The following SRRM4 variants were observed in gnomAD, a reference collection of about 807,000 sequenced individuals.
SRRM4 encodes serine/arginine repetitive matrix 4.
SRRM4 carries 33 observed loss-of-function variants against 68.9 expected under a neutral mutation model. That is an observed-to-expected ratio of 0.48 (90% CI 0.36 to 0.64). SRRM4 has a LOEUF of 0.64. Among genes scored for constraint, SRRM4 ranks in the 30% least tolerant of loss-of-function variants. The pLI, the probability that SRRM4 is intolerant of heterozygous loss-of-function variation, is 0.00. For synonymous variants in SRRM4, 318 were observed against 318.8 expected (o/e 1.00, Z 0.03); for missense variants, 817 against 827.1 (o/e 0.99, Z 0.15).
rs374414720 is a variant in SRRM4 at position 119,145,551 on chromosome 12, G to C, written c.942G>C (p.Gly314=). The C allele has an allele frequency of 7.3e-5, 117 of 1,606,536 alleles. No individual in the cohort carries two copies. In the African/African-American group the frequency reaches 1.2e-3, roughly 17 times the overall value. ...SRGQEKGSPS[G]GLSKSRELNS... Reference sequence around the variant, plus strand: ...GCCAGGAGAAGGGGAGCCCCAGTGGGGGCTTGAGCAAGAGCCGGGAGCTCA... The same window carrying C: ...GCCAGGAGAAGGGGAGCCCCAGTGGCGGCTTGAGCAAGAGCCGGGAGCTCA... Residue 314 remains glycine, a synonymous_variant, in exon 9 of 13, where the codon GGG becomes GGC. Transcript: ENST00000267260.
chr12:119,020,915 A>G (rs998099964), intron 1 of SRRM4, among the ~76,000 whole-genome samples: 2 of 152,150 alleles, frequency 1.3e-5, no homozygotes, highest in African/African-American at 2.4e-5. Context: ...TAGACAGGAA[A>G]AGGAGATGCC....
At chr12:119,007,957 T>C (rs1483635809) in intron 1 of SRRM4, among the ~76,000 whole-genome samples, 1 of 152,194 alleles carries the variant, frequency 6.6e-6, no homozygotes, top group African/African-American at 2.4e-5. Context: ...CCTCAATTTC[T>C]TCTTCCATAA....
chr12:118,982,843 G>T (rs1265395816), intron 1 of SRRM4, among the ~76,000 whole-genome samples: 2 of 151,942 alleles, frequency 1.3e-5, no homozygotes, highest in Non-Finnish European at 2.9e-5. Context: ...GAGGTTGGGG[G>T]AAAATGGAAG....
rs568620044 is a variant in SRRM4 at position 119,024,737 on chromosome 12, C to T, written c.131+42724C>T. ...GCTAGCCAGGCCTCTTAAGCTTGAT[C>T]TTAGTGCCTTAGGATCTTTTCCAAT... On this transcript the variant is annotated intron_variant, in intron 1 of 12. Coordinates refer to ENST00000267260, the MANE Select transcript of SRRM4 (RefSeq NM_194286.4). Among the ~76,000 whole-genome samples, 14 of 152,316 alleles carry T rather than the reference C, an allele frequency of 9.2e-5. No individual in the cohort carries two copies. In the South Asian group the frequency reaches 2.7e-3, roughly 29 times the overall value.
rs150009366 is a variant in SRRM4, at chr12:119,068,995, C to T, written c.132-33241C>T. Among the ~76,000 whole-genome samples the T allele has an allele frequency of 6.5e-3, 995 of 152,070 alleles. 12 individuals carry two copies. Among genetic ancestry groups the T allele is most frequent in the Non-Finnish European group, 8.4e-3 (573 of 67,996 alleles). ...TGTCCTTTTTCCTGCCTGTGTAGCT[C>T]CAGGGAACAGGGAATTTGGGATTCT... On this transcript the variant is annotated intron_variant, in intron 1 of 12. Coordinates refer to ENST00000267260, the MANE Select transcript of SRRM4 (RefSeq NM_194286.4).
In SRRM4 at chr12:119,159,149, C is replaced by T. The variant is rs956562059; in HGVS notation, c.*2351C>T. 3 of 152,110 alleles carry T rather than the reference C, an allele frequency of 2.0e-5. No individual in the cohort carries two copies. The highest frequency in any genetic ancestry group is 2.9e-5 in the Non-Finnish European group (2 of 68,080). 9.4% of individuals were successfully genotyped at this position (152,110 alleles called of 1,614,324 possible). On this transcript the variant is annotated 3_prime_UTR_variant, in exon 13 of 13. Coordinates refer to ENST00000267260, the MANE Select transcript of SRRM4 (RefSeq NM_194286.4). ...CTGAAGGCTCTAAGCCTGGAACACC[C>T]TGGGGTTGGCCCAGAAGGAGGCACA...
At chr12:119,026,457 G>T (rs1457175128) in intron 1 of SRRM4, among the ~76,000 whole-genome samples, 1 of 152,028 alleles carries the variant, frequency 6.6e-6, no homozygotes, top group East Asian at 1.9e-4. Context: ...AGTGTCACTT[G>T]TGTGCTAGAC....
chr12:118,994,102 C>T (rs1013434691), intron 1 of SRRM4: 5 of 152,116 alleles, frequency 3.3e-5, no homozygotes, highest in Admixed American at 1.3e-4. Flanking sequence ...GTAGTGGGAT[C>T]GCGCCTGTGA....
intron 1 of SRRM4, among the ~76,000 whole-genome samples, chr12:119,045,487 C>A (rs1463346440): frequency 6.9e-6 from 1 of 144,998 alleles, no homozygotes. Context: ...CTCCCCCGCT[C>A]CCCCCCGCCC....
At chr12:118,991,123 A>G (rs928874402) in intron 1 of SRRM4, among the ~76,000 whole-genome samples, 3 of 152,040 alleles carry the variant, frequency 2.0e-5, no homozygotes, top group African/African-American at 7.2e-5. Context: ...TTTTAAGTAT[A>G]CAGAGCCAGC....
At chr12:119,069,975 G>C (rs1449676465) in intron 1 of SRRM4, among the ~76,000 whole-genome samples, 1 of 152,164 alleles carries the variant, frequency 6.6e-6, no homozygotes, top group African/African-American at 2.4e-5. Context: ...AGACTAACGT[G>C]AGTTGTGAAT....
intron 1 of SRRM4, among the ~76,000 whole-genome samples, chr12:119,052,224 G>T (rs1953747490): frequency 6.6e-6 from 1 of 152,312 alleles, no homozygotes. Context: ...AACTGTGGCT[G>T]CTCTCGTGGA....
intron 9 of SRRM4, among the ~76,000 whole-genome samples, chr12:119,146,539 T>C (rs1387054950): frequency 6.6e-6 from 1 of 151,590 alleles, no homozygotes; most frequent in East Asian, 1.9e-4. Flanking sequence ...TGAGCTGAGA[T>C]TGTACCATTG....
rs1748058872 is a variant in SRRM4 at position 119,151,159 on chromosome 12, T to C, written c.1219T>C (p.Ser407Pro). The C allele has an allele frequency of 1.9e-6, 3 of 1,613,816 alleles. No homozygotes were observed. The African/African-American group carries it at 4.0e-5, about 22-fold the overall frequency. ...STRSSSHSSRSPNPRASPRYT... is the reference protein window; with the variant it reads ...STRSSSHSSRPPNPRASPRYT... ...CCGATCCTCCAGTCACTCGTCCCGA[T>C]CCCCAAATCCCAGGGCTTCCCCCAG... The change falls in exon 10 of 13, where the codon TCC (serine) becomes CCC (proline). Residue 407 changes from serine to proline, a missense_variant. Physicochemically the swap from Ser to Pro is moderately conservative, Grantham distance 74. Transcript: ENST00000267260.
chr12:119,160,211 A>C lies in SRRM4; in HGVS notation c.*3413A>C, dbSNP rs1290325388. ...TGCCCCTTTCCTGGGTGAAGTTTACAAGAAGGCTGCTTAAATGCCTGCTTC... is the reference window on the plus strand; with the variant it reads ...TGCCCCTTTCCTGGGTGAAGTTTACCAGAAGGCTGCTTAAATGCCTGCTTC... On this transcript the variant is annotated 3_prime_UTR_variant, in exon 13 of 13. Transcript: ENST00000267260. 6.6e-6 allele frequency: 1 copy of C among 152,056 alleles called. No homozygotes were observed. Among genetic ancestry groups the C allele is most frequent in the Non-Finnish European group, 1.5e-5 (1 of 68,038 alleles). 9.4% of individuals were successfully genotyped at this position (152,056 alleles called of 1,614,324 possible). A position where few individuals can be genotyped will look rare whatever the true frequency, so the allele number is the denominator to read the frequency against.
intron 1 of SRRM4, among the ~76,000 whole-genome samples, chr12:119,065,380 G>A (rs772703252): frequency 6.6e-6 from 1 of 152,170 alleles, no homozygotes; most frequent in African/African-American, 2.4e-5. Context: ...CTTGACTAAA[G>A]GTTGTTTCCA....
chr12:119,146,522 G>A (rs897552374), intron 9 of SRRM4, among the ~76,000 whole-genome samples: 2 of 151,926 alleles, frequency 1.3e-5, no homozygotes, highest in African/African-American at 4.8e-5. Flanking sequence ...GGAGGCGGAG[G>A]TGGCAGTGAG....
At chr12:119,130,436 T>G (rs1474218817) in intron 7 of SRRM4, among the ~76,000 whole-genome samples, 1 of 151,938 alleles carries the variant, frequency 6.6e-6, no homozygotes, top group African/African-American at 2.4e-5. Context: ...GATGGATGGA[T>G]GGATGGATGG....
chr12:119,056,779 T>C (rs1308932576), intron 1 of SRRM4, among the ~76,000 whole-genome samples: 1 of 152,184 alleles, frequency 6.6e-6, no homozygotes, highest in African/African-American at 2.4e-5. Flanking sequence ...TCTTCCTTTG[T>C]TGCACATATC....
Sources: gnomAD v4.1 joint callset for allele counts (sites outside exome capture counted in the v4.1 genomes callset) on GRCh38, gnomAD v4.1.1 for gene constraint, MANE v1.5 for transcripts, NCBI Gene and HGNC (gene_info 2026-07-23, HGNC 2026-07-21) for gene names.